The following ULK4 variants were observed in gnomAD, a reference collection of about 807,000 sequenced individuals.
The protein encoded by ULK4 is unc-51 like kinase 4.
In ULK4, 133 loss-of-function variants were observed where a neutral mutation model predicts 160.6. That is an observed-to-expected ratio of 0.83 (90% CI 0.72 to 0.96). The LOEUF (loss-of-function observed/expected upper bound fraction) is 0.96. ULK4 is among the 40% of genes least tolerant of loss of function. The pLI, the probability that ULK4 is intolerant of heterozygous loss-of-function variation, is 0.00. For missense variants in ULK4, 1,580 were observed against 1,499.5 expected, an observed-to-expected ratio of 1.05 and a Z score of -0.89; for synonymous variants, 534 against 539.8, an observed-to-expected ratio of 0.99 and a Z score of 0.15.
chr3:41,720,813 G>C (rs918366471), intron 22 of ULK4, among the ~76,000 whole-genome samples: 2 of 152,058 alleles, frequency 1.3e-5, no homozygotes, highest in African/African-American at 4.8e-5. Flanking sequence ...ATAAATCCCA[G>C]GCAGAGTGAG....
intron 29 of ULK4, among the ~76,000 whole-genome samples, chr3:41,667,568 C>T (rs537228319): frequency 1.3e-5 from 2 of 152,168 alleles, no homozygotes; most frequent in Non-Finnish European, 2.9e-5. Flanking sequence ...CTTGAAATGG[C>T]CTCAGGGAAG....
intron 23 of ULK4, among the ~76,000 whole-genome samples, chr3:41,717,219 T>C (rs2037299630): frequency 6.6e-6 from 1 of 152,156 alleles, no homozygotes; most frequent in South Asian, 2.1e-4. Flanking sequence ...TCACTATGCA[T>C]TTTATACATA....
intron 32 of ULK4, among the ~76,000 whole-genome samples, chr3:41,562,164 T>C (rs2087605443): frequency 6.6e-6 from 1 of 152,214 alleles, no homozygotes; most frequent in Non-Finnish European, 1.5e-5. Flanking sequence ...CATGTAGTCG[T>C]GCAGTTTTGA....
intron 35 of ULK4, among the ~76,000 whole-genome samples, chr3:41,344,219 G>T (rs2080749960): frequency 6.6e-6 from 1 of 152,122 alleles, no homozygotes; most frequent in South Asian, 2.1e-4. Context: ...AAAACAAGCA[G>T]TGGGGAAAGG....
intron 21 of ULK4, among the ~76,000 whole-genome samples, chr3:41,771,920 C>G (rs2039396228): frequency 6.6e-6 from 1 of 152,064 alleles, no homozygotes; most frequent in Admixed American, 6.6e-5. Flanking sequence ...TTTTAAGAAA[C>G]AATGAATTAG....
intron 2 of ULK4, among the ~76,000 whole-genome samples, chr3:41,952,269 A>G (rs369228753): frequency 2.3e-4 from 35 of 152,356 alleles, no homozygotes; most frequent in East Asian, 1.7e-3. Context: ...AAGGCAACCT[A>G]TAGAATATGA....
chr3:41,953,236 A>G (rs992992260), intron 2 of ULK4, among the ~76,000 whole-genome samples: 6 of 148,314 alleles, frequency 4.0e-5, no homozygotes, highest in Non-Finnish European at 5.9e-5. Flanking sequence ...ATATATACAC[A>G]CACATATATA....
chr3:41,358,290 T>C (rs58390017), intron 35 of ULK4, among the ~76,000 whole-genome samples: 5,894 of 152,256 alleles, frequency 0.039, 304 homozygotes, highest in East Asian at 0.19. Flanking sequence ...GTTAGGTATA[T>C]AGCAATGAGG....
chr3:41,488,459 T>C (rs758072799), intron 32 of ULK4, among the ~76,000 whole-genome samples: 2 of 152,228 alleles, frequency 1.3e-5, no homozygotes, highest in Non-Finnish European at 2.9e-5. Context: ...AGATCATCTC[T>C]GGGAATCAGT....
At chr3:41,251,260 T>G (rs2078738254) in intron 35 of ULK4, 1 of 152,234 alleles carries the variant, frequency 6.6e-6, no homozygotes, top group Admixed American at 6.5e-5. Context: ...TTTGGCCATT[T>G]ACCTGACTCT....
chr3:41,589,326 G>T (rs554373854), intron 31 of ULK4, among the ~76,000 whole-genome samples: 2 of 149,692 alleles, frequency 1.3e-5, no homozygotes, highest in South Asian at 4.2e-4. Context: ...AGAGAGAAGA[G>T]AGTTACACAG....
intron 35 of ULK4, among the ~76,000 whole-genome samples, chr3:41,279,051 A>G (rs1399259417): frequency 6.6e-6 from 1 of 152,162 alleles, no homozygotes; most frequent in Non-Finnish European, 1.5e-5. Flanking sequence ...AAAACCTTGA[A>G]AAAAGGTTAC....
At chr3:41,617,757 T>A (rs140726359) in intron 30 of ULK4, among the ~76,000 whole-genome samples, 1 of 152,194 alleles carries the variant, frequency 6.6e-6, no homozygotes, top group Admixed American at 6.5e-5. Flanking sequence ...GGCACAAAAC[T>A]GGATGGGGAA....
intron 25 of ULK4, among the ~76,000 whole-genome samples, chr3:41,712,713 A>G (rs1336704603): frequency 6.6e-6 from 1 of 152,078 alleles, no homozygotes; most frequent in African/African-American, 2.4e-5. Flanking sequence ...AAGATGGTGA[A>G]ACCTCATCTC....
intron 31 of ULK4, among the ~76,000 whole-genome samples, chr3:41,592,137 A>G (rs563695206): frequency 1.3e-5 from 2 of 152,326 alleles, no homozygotes; most frequent in South Asian, 2.1e-4. Context: ...TGAGTGCCCA[A>G]ACTGTAGAAG....
At chr3:41,267,568 A>G (rs146798324) in intron 35 of ULK4, among the ~76,000 whole-genome samples, 2 of 152,266 alleles carry the variant, frequency 1.3e-5, no homozygotes, top group African/African-American at 4.8e-5. Flanking sequence ...TTCTGATTCT[A>G]GATCCTTTAA....
chr3:41,921,311 C>CA (rs773616621), intron 5 of ULK4, among the ~76,000 whole-genome samples: 47 of 151,768 alleles, frequency 3.1e-4, no homozygotes, highest in Non-Finnish European at 6.0e-4. Context: ...GACTCTGTCT[C>CA]AAAAAATAAA....
intron 32 of ULK4, among the ~76,000 whole-genome samples, chr3:41,498,197 G>A (rs1255417688): frequency 6.6e-6 from 1 of 152,176 alleles, no homozygotes; most frequent in Non-Finnish European, 1.5e-5. Flanking sequence ...AAATGTTTGA[G>A]TGTGTTCATT....
intron 17 of ULK4, among the ~76,000 whole-genome samples, chr3:41,880,189 C>T (rs1716641): frequency 0.68 from 103,895 of 152,074 alleles, 39,134 homozygotes; most frequent in East Asian, 0.83. Context: ...ATCCACTGCA[C>T]GCTTCAGACT....
Sources: gnomAD v4.1 joint callset for allele counts (sites outside exome capture counted in the v4.1 genomes callset) on GRCh38, gnomAD v4.1.1 for gene constraint, MANE v1.5 for transcripts, NCBI Gene and HGNC (gene_info 2026-07-23, HGNC 2026-07-21) for gene names.